The following HPSE variants were observed in gnomAD, a reference collection of about 807,000 sequenced individuals.
HPSE encodes the protein endo-glucoronidase.
A neutral mutation model predicts 65.1 loss-of-function variants in HPSE; 48 were observed. That is an observed-to-expected ratio of 0.74 (90% CI 0.58 to 0.94). The LOEUF is 0.94. HPSE is among the 40% of genes least tolerant of loss of function. HPSE has a pLI of 0.00. For synonymous variants in HPSE, 243 were observed against 260.0 expected (o/e 0.93, Z 0.63); for missense variants, 644 against 637.5 (o/e 1.01, Z -0.11).
At chr4:83,329,870 G>A (rs1291980314) in intron 1 of HPSE, among the ~76,000 whole-genome samples, 1 of 152,134 alleles carries the variant, frequency 6.6e-6, no homozygotes, top group Non-Finnish European at 1.5e-5. Context: ...GGGGGAGTAA[G>A]TAAGAGGGGG....
At chr4:83,313,012 ACT>A (rs1252975061) in intron 4 of HPSE, 100 bp downstream of exon 4, 5 of 827,834 alleles carry the variant, frequency 6.0e-6, no homozygotes, top group African/African-American at 1.8e-5. Flanking sequence ...GCAGTGCGAG[ACT>A]CTGTCTCAAA....
chr4:83,334,371 A>G (rs6810528), intron 1 of HPSE, among the ~76,000 whole-genome samples, 185 bp downstream of exon 1: 57,419 of 151,668 alleles, frequency 0.38, 11,058 homozygotes, highest in Admixed American at 0.43. Flanking sequence ...CCCAAAAAGC[A>G]GTTTGGGGTC....
chr4:83,295,521 A>C lies in HPSE; in HGVS notation c.1473-18T>G, dbSNP rs576008054. 3.4e-5 allele frequency: 53 copies of C among 1,548,028 alleles called. 1 individual carries two copies. The South Asian group carries it at 6.1e-4, about 18-fold the overall frequency. On this transcript the variant is annotated intron_variant, in intron 11 of 11. Coordinates refer to ENST00000311412, the MANE Select transcript of HPSE (RefSeq NM_001098540.3). Reference sequence around the variant, plus strand: ...GGACAGATCTGCAAAGGAGAAAGATACACCGAGTTAACCAAGTGGTGCATG... The same window carrying C: ...GGACAGATCTGCAAAGGAGAAAGATCCACCGAGTTAACCAAGTGGTGCATG...
rs747878607 is a variant in HPSE at position 83,313,299 on chromosome 4, A to G, written c.500-12T>C. The G allele has an allele frequency of 6.3e-7, 1 of 1,594,592 alleles. No homozygotes were observed. Among genetic ancestry groups the G allele is most frequent in the South Asian group, 1.1e-5 (1 of 87,976 alleles). ...ATCTACAGAGCTTCCTAAAAGAAAAACGTCACAATTTAATGGTTAGATTGG... is the reference window on the plus strand; with the variant it reads ...ATCTACAGAGCTTCCTAAAAGAAAAGCGTCACAATTTAATGGTTAGATTGG... On this transcript the variant is annotated splice_polypyrimidine_tract_variant and intron_variant, in intron 3 of 11. Transcript: ENST00000311412.
At chr4:83,332,919 C>T (rs569283496) in intron 1 of HPSE, among the ~76,000 whole-genome samples, 4 of 149,388 alleles carry the variant, frequency 2.7e-5, no homozygotes, top group African/African-American at 7.4e-5. Context: ...GTTCAGTAAC[C>T]GCCCCCCCCC....
At chr4:83,298,339 A>C (rs1039141145) in intron 11 of HPSE, among the ~76,000 whole-genome samples, 6 of 152,216 alleles carry the variant, frequency 3.9e-5, no homozygotes, top group African/African-American at 1.4e-4. Flanking sequence ...CTTTATGTTA[A>C]AAATATGTTC....
intron 9 of HPSE, among the ~76,000 whole-genome samples, chr4:83,303,886 A>G (rs1736055040): frequency 6.6e-6 from 1 of 152,210 alleles, no homozygotes; most frequent in Non-Finnish European, 1.5e-5. Context: ...AAAGTAATCT[A>G]ATAGGTAGGA....
intron 1 of HPSE, among the ~76,000 whole-genome samples, 198 bp downstream of exon 1, chr4:83,334,358 C>A (rs1737524093): frequency 1.3e-5 from 2 of 151,998 alleles, no homozygotes; most frequent in South Asian, 2.1e-4. Flanking sequence ...TTAAATGATA[C>A]CCCCCAAAAA....
intron 7 of HPSE, 22 bp from the exon 8 acceptor site, chr4:83,308,973 ATGGT>A: frequency 6.3e-7 from 1 of 1,596,848 alleles, no homozygotes; most frequent in Admixed American, 1.7e-5. Context: ...AAAAGTATCC[ATGGT>A]AATTGCAAAA....
chr4:83,312,548 G>A (rs899205439), intron 4 of HPSE, among the ~76,000 whole-genome samples: 53 of 149,688 alleles, frequency 3.5e-4, no homozygotes, highest in Non-Finnish European at 5.3e-4. Flanking sequence ...CGTGGTGGCG[G>A]GTGCGTGTAG....
upstream of HPSE, chr4:83,335,058 A>C: frequency 6.0e-5 from 26 of 430,446 alleles, no homozygotes; most frequent in East Asian, 8.4e-5. Flanking sequence ...GAAATCACCC[A>C]CACCCACTTG....
Position 83,319,485 on chromosome 4 carries a change from A to G in HPSE, c.374-16T>C, listed in dbSNP as rs1323134707. On this transcript the variant is annotated splice_polypyrimidine_tract_variant and intron_variant, in intron 2 of 11. Transcript: ENST00000311412. ...TTGCAAATATCTGCAAGTGGAAGAG[A>G]TCATTTAGAAGGTCTGTTTTCACAG... The G allele has an allele frequency of 5.0e-6, 8 of 1,612,024 alleles. No homozygotes were observed. Among genetic ancestry groups the G allele is most frequent in the Non-Finnish European group, 5.9e-6 (7 of 1,178,616 alleles).
chr4:83,324,586 C>T (rs1737065887), intron 1 of HPSE, among the ~76,000 whole-genome samples: 1 of 152,112 alleles, frequency 6.6e-6, no homozygotes, highest in African/African-American at 2.4e-5. Context: ...ATGTTATCAA[C>T]CCGAATTCAC....
intron 3 of HPSE, among the ~76,000 whole-genome samples, chr4:83,316,952 G>T (rs142935297): frequency 6.6e-6 from 1 of 152,098 alleles, no homozygotes; most frequent in Admixed American, 6.6e-5. Context: ...CCAGGCTAGC[G>T]TGCGGTGGCG....
In HPSE at chr4:83,302,141, C is replaced by T; in HGVS notation, c.1325+9G>A. ...TTGATGATTGGTAAAGGGTGTGTTT[C>T]ATACTTACTTGTCAGTGTTTGTGCA... On this transcript the variant is annotated intron_variant, in intron 10 of 11. Transcript: ENST00000311412. The T allele has an allele frequency of 6.4e-7, 1 of 1,574,484 alleles. No homozygotes were observed. Among genetic ancestry groups the T allele is most frequent in the Admixed American group, 1.7e-5 (1 of 59,826 alleles).
intron 1 of HPSE, among the ~76,000 whole-genome samples, chr4:83,331,987 CA>C (rs1180894920): frequency 9.5e-4 from 144 of 152,250 alleles, no homozygotes; most frequent in Non-Finnish European, 1.5e-3. Flanking sequence ...ATGGGGGTGA[CA>C]AAACTAGTCA....
intron 9 of HPSE, among the ~76,000 whole-genome samples, chr4:83,303,285 A>T (rs1236258581): frequency 6.6e-6 from 1 of 152,236 alleles, no homozygotes; most frequent in Non-Finnish European, 1.5e-5. Flanking sequence ...GAAATACTAT[A>T]GAACAAATTA....
intron 9 of HPSE, among the ~76,000 whole-genome samples, chr4:83,302,504 A>G (rs1735992102): frequency 1.3e-5 from 2 of 152,010 alleles, no homozygotes; most frequent in African/African-American, 4.8e-5. Flanking sequence ...TCAAAAGGCC[A>G]TAGCCTGTAG....
At position 83,306,196 on chromosome 4, in the gene HPSE, C is replaced by G. The variant is rs1445887259; in HGVS notation, c.1206+7G>C. 1.3e-6 allele frequency: 2 copies of G among 1,528,964 alleles called. No individual in the cohort carries two copies. The highest frequency in any genetic ancestry group is 2.2e-5 in the South Asian group (2 of 89,338). 94.7% of individuals were successfully genotyped at this position (1,528,964 alleles called of 1,614,324 possible). ...CCACTAGAATTAGGAAAATAATGGT[C>G]ACTTACAGGTAAAGGATCGAAGTTT... On this transcript the variant is annotated splice_region_variant and intron_variant, in intron 9 of 11. Transcript: ENST00000311412.
Sources: allele counts gnomAD v4.1 joint callset (sites outside exome capture counted in the v4.1 genomes callset), GRCh38; gene constraint gnomAD v4.1.1; transcripts MANE v1.5; gene names NCBI Gene and HGNC (gene_info 2026-07-23, HGNC 2026-07-21).